The following GRM4 variants were observed in gnomAD, a reference collection of about 807,000 sequenced individuals.
GRM4 encodes glutamate metabotropic receptor 4, also known as metabotropic glutamate receptor 4.
Under a neutral mutation model 81.7 loss-of-function variants are expected in GRM4, and 28 were observed. The observed-to-expected ratio is 0.34, with a 90% CI of 0.25 to 0.47. GRM4 has a LOEUF of 0.47. Among genes scored for constraint, GRM4 ranks in the 20% least tolerant of loss-of-function variants. The probability of loss-of-function intolerance (pLI) is 1.00; values close to 1 mark genes in which losing one functional copy is unlikely to be tolerated. For missense variants in GRM4, 948 were observed against 1,290.0 expected, an observed-to-expected ratio of 0.73 and a Z score of 4.06; for synonymous variants, 488 against 528.8, an observed-to-expected ratio of 0.92 and a Z score of 1.06.
At chr6:34,125,444 G>A (rs537713885) in intron 2 of GRM4, among the ~76,000 whole-genome samples, 6 of 152,190 alleles carry the variant, frequency 3.9e-5, no homozygotes, top group Admixed American at 6.5e-5. Flanking sequence ...TCAGTGGCCA[G>A]CTGAGGCTAC....
At chr6:34,139,955 A>C (rs2249430) in intron 1 of GRM4, among the ~76,000 whole-genome samples, 147,437 of 152,250 alleles carry the variant, frequency 0.97, 71,538 homozygotes, top group Non-Finnish European at 1. Flanking sequence ...AAACAGGCAC[A>C]GACGCCTGCC....
chr6:34,032,462 G>A (rs1314203642), intron 9 of GRM4, among the ~76,000 whole-genome samples: 1 of 152,238 alleles, frequency 6.6e-6, no homozygotes, highest in African/African-American at 2.4e-5. Context: ...CAGGTTGCCT[G>A]AGTCTCTAAG....
intron 6 of GRM4, among the ~76,000 whole-genome samples, chr6:34,053,895 C>T (rs916329493): frequency 1.2e-4 from 19 of 152,244 alleles, no homozygotes; most frequent in African/African-American, 4.1e-4. Context: ...TAAAAATCCA[C>T]GGCCTAGGCC....
intron 2 of GRM4, among the ~76,000 whole-genome samples, chr6:34,100,441 C>G (rs1022422405): frequency 2.0e-5 from 3 of 152,234 alleles, no homozygotes; most frequent in Non-Finnish European, 4.4e-5. Context: ...GACAGTCGAA[C>G]TGGCCACGAG....
chr6:34,023,003 A>AG, intron 10 of GRM4, 133 bp from the exon 11 acceptor site: 2 of 740,070 alleles, frequency 2.7e-6, no homozygotes, highest in Non-Finnish European at 4.8e-6. Flanking sequence ...TCCTGAGCTG[A>AG]GCAATCGACA....
rs749605624 is a variant in GRM4, at chr6:34,155,278, T to C, written c.113A>G (p.Gln38Arg). ...CGGGAGGCGGCAGGTGAGGTTTCCT[T>C]GGTGGGAGGAAGGTGGGGTACAGGG... Residue 38 changes from glutamine (Q) to arginine (R), a missense_variant, in exon 1 of 9, where the codon CAA becomes CGA. Gln to Arg is a conservative substitution (Grantham distance 43, BLOSUM62 1). Coordinates refer to the GRM4 transcript ENST00000374177. The C allele has an allele frequency of 2.5e-5, 38 of 1,533,600 alleles. No homozygotes were observed. In the Middle Eastern group the frequency reaches 5.0e-4, roughly 20 times the overall value. The allele number at this position is 1,533,600 out of a possible 1,614,324, so 95.0% of individuals were successfully genotyped here. A position where few individuals can be genotyped will look rare whatever the true frequency, so the allele number is the denominator to read the frequency against.
intron 2 of GRM4, among the ~76,000 whole-genome samples, chr6:34,131,886 A>G (rs1770249688): frequency 6.6e-6 from 1 of 152,096 alleles, no homozygotes; most frequent in Admixed American, 6.5e-5. Flanking sequence ...GGAGGGACCA[A>G]GCAGCTTCCT....
intron 2 of GRM4, among the ~76,000 whole-genome samples, chr6:34,117,942 T>C (rs995189800): frequency 1.3e-5 from 2 of 151,836 alleles, no homozygotes; most frequent in African/African-American, 4.8e-5. Context: ...CGAGGGCCCC[T>C]TGGGTGATGA....
intron 4 of GRM4, chr6:34,061,586 T>A (rs1287808525): frequency 1.3e-5 from 4 of 296,392 alleles, no homozygotes; most frequent in Non-Finnish European, 1.9e-5. Flanking sequence ...GAGAACAGCA[T>A]TAGAACCTAA....
chr6:34,083,112 G>A (rs1218291474), intron 3 of GRM4, among the ~76,000 whole-genome samples: 4 of 152,220 alleles, frequency 2.6e-5, no homozygotes, highest in Admixed American at 6.5e-5. Flanking sequence ...AGCATCTGAC[G>A]TTTTCCTCCT....
At chr6:34,071,676 C>T (rs995268378) in intron 3 of GRM4, among the ~76,000 whole-genome samples, 2 of 106,702 alleles carry the variant, frequency 1.9e-5, no homozygotes, top group African/African-American at 8.2e-5. Flanking sequence ...ACGCACACCA[C>T]ACACAATCAC....
chr6:34,129,527 G>T (rs11963024), intron 2 of GRM4, among the ~76,000 whole-genome samples: 13,263 of 152,230 alleles, frequency 0.087, 1,134 homozygotes, highest in African/African-American at 0.22. Context: ...CCCCTGTCCT[G>T]AAAGAATGGG....
rs982080196 is a variant in GRM4, at chr6:34,074,332, C to T, written c.737-12304G>A. ...CTGTCCCCGAGACATAGCAGGGTTG[C>T]GGTGAGGATTAGAGCGGATTGCCCG... On this transcript the variant is annotated intron_variant, in intron 3 of 10. Coordinates refer to ENST00000538487, the MANE Select transcript of GRM4 (RefSeq NM_000841.4). This position sits in a 1 kb window ranked among gnomAD's most constrained non-coding sequence, Gnocchi z 4.9. 2.6e-5 allele frequency among the ~76,000 whole-genome samples: 4 copies of T among 152,312 alleles called. No individual in the cohort carries two copies. The highest frequency in any genetic ancestry group is 3.9e-4 in the East Asian group (2 of 5,190).
intron 5 of GRM4, among the ~76,000 whole-genome samples, chr6:34,058,278 A>G (rs1039729575): frequency 3.9e-5 from 6 of 152,170 alleles, no homozygotes; most frequent in Non-Finnish European, 5.9e-5. Flanking sequence ...CCTCTGCCTC[A>G]GTATGAAGAG....
rs971018405 is a variant in GRM4, at chr6:34,064,366, G to A, written c.737-2338C>T. On this transcript the variant is annotated intron_variant, in intron 3 of 10. Transcript: ENST00000538487. The surrounding 1 kb of genome is among the most constrained non-coding windows in gnomAD (Gnocchi z 4.4). Reference sequence around the variant, plus strand: ...AAATGAAGAAATTGAGGCACAGAGAGGTTAAGTAGCTTCCCCAGGATCACA... The same window carrying A: ...AAATGAAGAAATTGAGGCACAGAGAAGTTAAGTAGCTTCCCCAGGATCACA... 7.2e-5 allele frequency among the ~76,000 whole-genome samples: 11 copies of A among 152,236 alleles called. No individual in the cohort carries two copies. The highest frequency in any genetic ancestry group is 2.4e-4 in the African/African-American group (10 of 41,452).
chr6:34,044,757 TAC>T (rs1765264398), intron 6 of GRM4, among the ~76,000 whole-genome samples: 2 of 74,098 alleles, frequency 2.7e-5, no homozygotes, highest in South Asian at 8.5e-4. Context: ...TATATACACA[TAC>T]ACACACATAG....
upstream of GRM4, chr6:34,146,130 G>GGGAA: frequency 1.0e-6 from 1 of 985,548 alleles, no homozygotes; most frequent in Non-Finnish European, 1.2e-6. Flanking sequence ...CCACCCTGGT[G>GGGAA]CGTCACTGGA....
rs3222082 is a variant in GRM4, at chr6:34,069,647, AGTGTGTGTGTGT to A, written c.737-7631_737-7620del. ...GGCTTTACAACCCTTGGCAGCCCCC[AGTGTGTGTGTGT>A]GTGTGTGTGTGTGTGTGTGTGTGTG... On this transcript the variant is annotated intron_variant, in intron 3 of 10. Transcript: ENST00000538487. The surrounding 1 kb of genome is among the most constrained non-coding windows in gnomAD (Gnocchi z 6.4). Among the ~76,000 whole-genome samples, 171 of 144,486 alleles carry A rather than the reference AGTGTGTGTGTGT, an allele frequency of 1.2e-3. 1 individual carries two copies. Among genetic ancestry groups the A allele is most frequent in the African/African-American group, 3.8e-3 (155 of 40,482 alleles). The allele number at this position is 144,486 out of a possible 152,430, so 94.8% of individuals were successfully genotyped here. A position where few individuals can be genotyped will look rare whatever the true frequency, so the allele number is the denominator to read the frequency against.
Position 34,092,304 on chromosome 6 carries a change from C to G in GRM4, c.520-205G>C, listed in dbSNP as rs1768276870. Among the ~76,000 whole-genome samples the G allele has an allele frequency of 6.6e-6, 1 of 152,180 alleles. No homozygotes were observed. Among genetic ancestry groups the G allele is most frequent in the African/African-American group, 2.4e-5 (1 of 41,444 alleles). On this transcript the variant is annotated intron_variant, in intron 2 of 10. Coordinates refer to ENST00000538487, the MANE Select transcript of GRM4 (RefSeq NM_000841.4). The surrounding 1 kb of genome is among the most constrained non-coding windows in gnomAD (Gnocchi z 6.8). ...TCCCCAAAGACACCCCAACCACACA[C>G]AGATACACACACAGGCACACACATA...
Sources: gnomAD v4.1 joint callset for allele counts (sites outside exome capture counted in the v4.1 genomes callset) on GRCh38, gnomAD v4.1.1 for gene constraint, Gnocchi (gnomAD v3.1) non-coding constraint, MANE v1.5 for transcripts, NCBI Gene and HGNC (gene_info 2026-07-23, HGNC 2026-07-21) for gene names.